Variants in FAAH2 observed in about 807,000 individuals in gnomAD.
FAAH2 encodes the protein fatty acid amide hydrolase 2.
FAAH2 carries 60 observed loss-of-function variants against 36.9 expected under a neutral mutation model. The ratio of observed to expected loss-of-function variants is 1.63; its 90% CI spans 1.32 to 2.02. The LOEUF is 2.02. Among genes scored for constraint, FAAH2 ranks in the 30% most tolerant of loss-of-function variants. The probability of loss-of-function intolerance (pLI) is 0.00; values close to 1 mark genes in which losing one functional copy is unlikely to be tolerated. For missense variants in FAAH2, 689 were observed against 397.5 expected (o/e 1.73, Z -6.23); for synonymous variants, 214 against 143.8 (o/e 1.49, Z -3.49).
the FAAH2 span, among the ~76,000 whole-genome samples, chrX:57,202,369 C>T: frequency 8.9e-6 from 1 of 111,980 alleles, no homozygotes; most frequent in African/African-American, 3.2e-5. Flanking sequence ...TCAGTAACAC[C>T]ATGAGTCTCA....
the FAAH2 span, among the ~76,000 whole-genome samples, chrX:57,164,498 G>A: frequency 5.3e-4 from 59 of 111,864 alleles, no homozygotes; most frequent in African/African-American, 1.8e-3. Context: ...AGCCCTGGTA[G>A]TCACCATTAT....
Position 57,448,727 on chromosome X carries a change from T to C in FAAH2, c.1423+9T>C, listed in dbSNP as rs1013490843. The C allele has an allele frequency of 3.4e-6, 4 of 1,168,522 alleles. No individual in the cohort carries two copies. Among genetic ancestry groups the C allele is most frequent in the African/African-American group, 3.5e-5 (2 of 56,562 alleles). On this transcript the variant is annotated intron_variant, in intron 10 of 10. Coordinates refer to ENST00000374900, the MANE Select transcript of FAAH2 (RefSeq NM_174912.4). ...CAACTTTGCTTACACAGGTACCTAA[T>C]TGTATTCCTTACATTCTGTAATCTT...
the FAAH2 span, among the ~76,000 whole-genome samples, chrX:57,154,194 A>C: frequency 9.4e-6 from 1 of 105,941 alleles, no homozygotes; most frequent in African/African-American, 3.5e-5. Context: ...TGTGTCCTTT[A>C]TTTCCTGAAG....
chrX:57,191,431 C>T, the FAAH2 span, among the ~76,000 whole-genome samples: 2 of 111,426 alleles, frequency 1.8e-5, no homozygotes, highest in African/African-American at 3.3e-5. Context: ...TTCCACCACT[C>T]TCAGGGTTGT....
At chrX:57,352,095 C>T (rs200932969) in intron 5 of FAAH2, among the ~76,000 whole-genome samples, 8,718 of 45,018 alleles carry the variant, frequency 0.19, 2,053 homozygotes, top group East Asian at 0.72. Flanking sequence ...TATATATGCA[C>T]ATATATATAT....
chrX:57,157,080 C>G, the FAAH2 span, among the ~76,000 whole-genome samples: 1 of 112,042 alleles, frequency 8.9e-6, no homozygotes, highest in African/African-American at 3.2e-5. Context: ...AGTATTTGAT[C>G]TGGTGCTTTA....
intron 7 of FAAH2, among the ~76,000 whole-genome samples, chrX:57,414,850 C>CTTTT (rs760473454): frequency 1.2e-4 from 7 of 57,831 alleles, no homozygotes; most frequent in Middle Eastern, 0.012. Flanking sequence ...TTGTCCTGGG[C>CTTTT]TTTTTTTTTT....
the FAAH2 span, among the ~76,000 whole-genome samples, chrX:57,244,239 G>A: frequency 9.1e-6 from 1 of 110,274 alleles, no homozygotes; most frequent in Non-Finnish European, 1.9e-5. Flanking sequence ...AAGTATATGG[G>A]ACCATGTGAA....
chrX:57,323,870 T>A (rs1024370200), intron 3 of FAAH2, among the ~76,000 whole-genome samples: 1 of 111,168 alleles, frequency 9.0e-6, no homozygotes, highest in African/African-American at 3.3e-5. Context: ...CAATTTTGGC[T>A]TTTGCTGCCA....
chrX:57,459,415 A>T (rs2056919129), intron 10 of FAAH2, among the ~76,000 whole-genome samples: 1 of 112,122 alleles, frequency 8.9e-6, no homozygotes. Context: ...CAGTGAACTT[A>T]AACATTTCTG....
At chrX:57,403,460 G>A (rs1184233134) in intron 7 of FAAH2, among the ~76,000 whole-genome samples, 2 of 112,727 alleles carry the variant, frequency 1.8e-5, no homozygotes, top group East Asian at 2.8e-4. Context: ...GCACTCAGGG[G>A]CGAGTTCTAG....
chrX:57,217,918 G>T, the FAAH2 span, among the ~76,000 whole-genome samples: 7 of 111,643 alleles, frequency 6.3e-5, no homozygotes, highest in Admixed American at 2.8e-4. Context: ...TATGAGCATG[G>T]CATGTGTTTC....
intron 2 of FAAH2, among the ~76,000 whole-genome samples, chrX:57,305,059 ATT>A (rs769858850): frequency 3.9e-4 from 12 of 31,110 alleles, no homozygotes; most frequent in Admixed American, 7.0e-4. Flanking sequence ...TGATTCTGTA[ATT>A]TTGTGTGTGT....
rs1009586036 is a variant in FAAH2 at position 57,394,747 on chromosome X, C to T, written c.996+13718C>T. The T allele has an allele frequency of 5.7e-5, 50 of 875,862 alleles. No individual in the cohort carries two copies. In the African/African-American group the frequency reaches 8.8e-4, roughly 15 times the overall value. 72.2% of individuals were successfully genotyped at this position (875,862 alleles called of 1,213,427 possible). On this transcript the variant is annotated intron_variant, in intron 7 of 10. Transcript: ENST00000374900. ...GACTATTGCTAGGTTTGATCCATTC[C>T]CCTTTAACCATTTCAGGCCGACCAG...
chrX:57,167,540 C>G, the FAAH2 span, among the ~76,000 whole-genome samples: 1 of 111,839 alleles, frequency 8.9e-6, no homozygotes, highest in African/African-American at 3.3e-5. Flanking sequence ...CACTTCTTAA[C>G]TTATATTGTG....
At chrX:57,435,292 T>A (rs1048506240) in intron 8 of FAAH2, among the ~76,000 whole-genome samples, 5 of 111,050 alleles carry the variant, frequency 4.5e-5, no homozygotes, top group African/African-American at 1.6e-4. Flanking sequence ...AAAGAAACAA[T>A]GTATAAAACA....
intron 8 of FAAH2, among the ~76,000 whole-genome samples, chrX:57,434,222 C>A (rs1270798718): frequency 9.3e-6 from 1 of 107,878 alleles, no homozygotes; most frequent in African/African-American, 3.4e-5. Context: ...GCTACAAGCA[C>A]ACGCCACAAC....
chrX:57,166,366 C>G, the FAAH2 span, among the ~76,000 whole-genome samples: 2 of 112,000 alleles, frequency 1.8e-5, no homozygotes, highest in Non-Finnish European at 3.8e-5. Context: ...CTGATAAACA[C>G]AAGCCACCTG....
chrX:57,173,019 A>G, the FAAH2 span, among the ~76,000 whole-genome samples: 2 of 111,690 alleles, frequency 1.8e-5, no homozygotes, highest in African/African-American at 6.5e-5. Context: ...ATCTAAGTCT[A>G]TGGGGGTGGA....
Sources: allele counts gnomAD v4.1 joint callset (sites outside exome capture counted in the v4.1 genomes callset), GRCh38; gene constraint gnomAD v4.1.1; transcripts MANE v1.5; gene names NCBI Gene and HGNC (gene_info 2026-07-23, HGNC 2026-07-21).